The following LRRC43 variants were observed in gnomAD, a reference collection of about 807,000 sequenced individuals.
LRRC43 encodes the protein leucine rich repeat containing 43.
In LRRC43, 62 loss-of-function variants were observed where a neutral mutation model predicts 64.3. The ratio of observed to expected loss-of-function variants is 0.96; its 90% CI spans 0.79 to 1.19. The LOEUF (loss-of-function observed/expected upper bound fraction) is 1.19. Ranked by LOEUF, LRRC43 falls within the 50% of genes most tolerant of loss-of-function variation. LRRC43 has a pLI of 0.00. For synonymous variants in LRRC43, 422 were observed against 382.3 expected, an observed-to-expected ratio of 1.10 and a Z score of -1.21; for missense variants, 868 against 845.0, an observed-to-expected ratio of 1.03 and a Z score of -0.34.
At position 122,200,581 on chromosome 12, in the gene LRRC43, C is replaced by CCAAGAAAGGAAAGGGGGAGAAAGA; in HGVS notation, c.1551_1574dup (p.Gly519_Lys526dup). ...CCTGCTGTTGACAGTCCCCTGTCTG[C>CCAAGAAAGGAAAGGGGGAGAAAGA]CAAGAAAGGAAAGGGGGAGAAAGAC... On this transcript the variant is annotated inframe_insertion, in exon 9 of 12. Transcript: ENST00000339777. This position sits in a 1 kb window ranked among gnomAD's most constrained non-coding sequence, Gnocchi z 4.6. The CCAAGAAAGGAAAGGGGGAGAAAGA allele has an allele frequency of 1.3e-6, 2 of 1,530,332 alleles. No homozygotes were observed. The highest frequency in any genetic ancestry group is 1.8e-6 in the Non-Finnish European group (2 of 1,104,644). 94.8% of individuals were successfully genotyped at this position (1,530,332 alleles called of 1,614,324 possible).
intron 2 of LRRC43, among the ~76,000 whole-genome samples, chr12:122,185,394 A>G (rs1223702506): frequency 6.6e-6 from 1 of 152,106 alleles, no homozygotes; most frequent in Non-Finnish European, 1.5e-5. Flanking sequence ...GAATCACTTG[A>G]GGTGGGGAGG....
In LRRC43 at chr12:122,186,251, C is replaced by G; in HGVS notation, c.473C>G (p.Ala158Gly). The change falls in exon 3 of 12, where the codon GCC becomes GGC. Residue 158 changes from alanine (A) to glycine (G), a missense_variant. Physicochemically the swap from Ala to Gly is moderately conservative, Grantham distance 60. Coordinates refer to ENST00000339777, the MANE Select transcript of LRRC43 (RefSeq NM_001098519.2). ...FLKLEELVLS[A>G]NRIKEVDATN... The stretch of plus-strand genomic sequence containing the variant: ...AAGCTGGAGGAGTTGGTACTGAGCG[C>G]CAATCGAATCAAGGAGGTGGATGCC... 1 of 1,606,440 alleles carries G rather than the reference C, an allele frequency of 6.2e-7. No homozygotes were observed. Among genetic ancestry groups the G allele is most frequent in the Admixed American group, 1.7e-5 (1 of 59,032 alleles).
At chr12:122,180,496 G>A (rs1002565424), upstream of LRRC43, among the ~76,000 whole-genome samples, 2 of 152,138 alleles carry the variant, frequency 1.3e-5, no homozygotes, top group African/African-American at 4.8e-5. Flanking sequence ...TCCAGCCTGG[G>A]CAACAGAGCA....
Position 122,191,423 on chromosome 12 carries a change from C to T in LRRC43, c.945C>T (p.Asn315=). 6.2e-7 allele frequency: 1 copy of T among 1,613,928 alleles called. No homozygotes were observed. Among genetic ancestry groups the T allele is most frequent in the Non-Finnish European group, 8.5e-7 (1 of 1,179,948 alleles). ...QEAQFVVTIG[N]IRGVLDTSVL... Reference sequence around the variant, plus strand: ...CGCAGTTTGTGGTGACCATCGGAAACATCAGAGGAGTCCTGGACACCTCTG... The same window carrying T: ...CGCAGTTTGTGGTGACCATCGGAAATATCAGAGGAGTCCTGGACACCTCTG... The change falls in exon 6 of 12, where the codon AAC becomes AAT. Residue 315 remains asparagine, a synonymous_variant. Transcript: ENST00000339777.
rs550090264 is a variant in LRRC43, at chr12:122,176,693, C to T, written c.-405-7826C>T. Among the ~76,000 whole-genome samples the T allele has an allele frequency of 3.3e-5, 5 of 151,354 alleles. No homozygotes were observed. The East Asian group carries it at 9.7e-4, about 29-fold the overall frequency. On this transcript the variant is annotated intron_variant, in intron 1 of 5. Coordinates refer to the LRRC43 transcript ENST00000537729. ...TTCTTAAGACAGAGTCTCACTTTGT[C>T]GCACAGGCAGGAGTGAAGTGGCGCA...
intron 1 of LRRC43, chr12:122,173,949 G>A (rs768265104): frequency 6.2e-7 from 1 of 1,614,152 alleles, no homozygotes; most frequent in Non-Finnish European, 8.5e-7. Context: ...AGGCCAGCCA[G>A]CCTCCCAGGC....
rs1486121684 is a variant in LRRC43 at position 122,200,108 on chromosome 12, G to A, written c.1350-81G>A. On this transcript the variant is annotated intron_variant, in intron 7 of 11. Transcript: ENST00000339777. The surrounding 1 kb of genome is among the most constrained non-coding windows in gnomAD (Gnocchi z 4.6). ...TTCGATGCTCGTGGTCTCCTCGGATGTCCCCTCACAGTCCTGTCCCGGGTC... is the reference window on the plus strand; with the variant it reads ...TTCGATGCTCGTGGTCTCCTCGGATATCCCCTCACAGTCCTGTCCCGGGTC... The A allele has an allele frequency of 6.8e-6, 10 of 1,470,680 alleles. No homozygotes were observed. The highest frequency in any genetic ancestry group is 6.5e-6 in the Non-Finnish European group (7 of 1,077,618). The allele number at this position is 1,470,680 out of a possible 1,614,324, so 91.1% of individuals were successfully genotyped here.
At position 122,192,876 on chromosome 12, in the gene LRRC43, G is replaced by C. The variant is rs200517782; in HGVS notation, c.1221G>C (p.Glu407Asp). 2.0e-5 allele frequency: 33 copies of C among 1,614,198 alleles called. No individual in the cohort carries two copies. In the African/African-American group the frequency reaches 2.7e-4, roughly 13 times the overall value. ...EVEGSLESEV[E>D]ESGESELSVI... ...AAGGGTCTCTGGAGTCTGAGGTGGA[G>C]GAGTCAGGAGAGTCGGAGCTGTCTG... The change falls in exon 7 of 12, where the codon GAG becomes GAC. Residue 407 changes from glutamate (E) to aspartate (D), a missense_variant. Physicochemically the swap from Glu to Asp is conservative, Grantham distance 45. Coordinates refer to ENST00000339777, the MANE Select transcript of LRRC43 (RefSeq NM_001098519.2).
chr12:122,200,542 G>A lies in LRRC43; in HGVS notation c.1502G>A (p.Trp501Ter). Residue 501 changes from tryptophan to a stop codon, truncating the protein, a stop_gained, in exon 9 of 12, where the codon TGG (tryptophan) becomes TAG (stop). Coordinates refer to ENST00000339777, the MANE Select transcript of LRRC43 (RefSeq NM_001098519.2). LOFTEE classifies it high-confidence loss of function. This position sits in a 1 kb window ranked among gnomAD's most constrained non-coding sequence, Gnocchi z 4.6. ...VTIVEEKILS[W>*]PVVLPAVDSP... ...CTCTCCTGCCCCTAGATTCTCTCCT[G>A]GCCTGTGGTGCTACCTGCTGTTGAC... 1 of 1,614,032 alleles carries A rather than the reference G, an allele frequency of 6.2e-7. No homozygotes were observed. The highest frequency in any genetic ancestry group is 8.5e-7 in the Non-Finnish European group (1 of 1,179,984).
At chr12:122,194,776 G>A (rs942918118) in intron 7 of LRRC43, among the ~76,000 whole-genome samples, 1 of 151,900 alleles carries the variant, frequency 6.6e-6, no homozygotes. Context: ...TGGGCTTGGT[G>A]TCATTTTCTT....
intron 4 of LRRC43, among the ~76,000 whole-genome samples, chr12:122,188,906 A>G (rs761128936): frequency 6.6e-6 from 1 of 152,180 alleles, no homozygotes; most frequent in Non-Finnish European, 1.5e-5. Context: ...TGACAAACAA[A>G]AATGTCTCCA....
Position 122,191,237 on chromosome 12 carries a change from T to A in LRRC43, c.902-143T>A, listed in dbSNP as rs1953714169. 4.6e-6 allele frequency: 3 copies of A among 653,682 alleles called. No homozygotes were observed. The East Asian group carries it at 8.3e-5, about 18-fold the overall frequency. The allele number at this position is 653,682 out of a possible 1,614,324, so 40.5% of individuals were successfully genotyped here. ...ACTCCAGGCCAGCTTGCCAGAGCTG[T>A]GACATGAACCTGACCGCCCCACCAA... On this transcript the variant is annotated intron_variant, in intron 5 of 11. Transcript: ENST00000339777.
chr12:122,190,104 C>T (rs112371618), intron 4 of LRRC43, 26 bp from the exon 5 acceptor site: 887 of 1,597,820 alleles, frequency 5.6e-4, no homozygotes, highest in Middle Eastern at 6.6e-4. Context: ...CTTCTTGACC[C>T]CCAGACGGTC....
chr12:122,171,573 G>T (rs547887947), intron 1 of LRRC43, among the ~76,000 whole-genome samples: 1 of 152,020 alleles, frequency 6.6e-6, no homozygotes, highest in Non-Finnish European at 1.5e-5. Flanking sequence ...TGTTGCCCAG[G>T]CTGGTCCGAA....
intron 2 of LRRC43, 100 bp from the exon 3 acceptor site, chr12:122,186,090 A>C: frequency 2.9e-6 from 2 of 692,050 alleles, no homozygotes; most frequent in Non-Finnish European, 5.2e-6. Flanking sequence ...AGGGGAAGTA[A>C]CTCTGATGGA....
chr12:122,194,081 A>G (rs1416729840), intron 7 of LRRC43, among the ~76,000 whole-genome samples: 1 of 152,164 alleles, frequency 6.6e-6, no homozygotes, highest in African/African-American at 2.4e-5. Flanking sequence ...TGAAGATTGT[A>G]GAGTAATTGT....
rs934178167 is a variant in LRRC43 at position 122,183,153 on chromosome 12, G to A, written c.9G>A (p.Ala3=). ME[A]SYESESESES... ...GCAACGCGGCCCGGGCCATGGAGGC[G>A]TCGTACGAGTCCGAGTCCGAGTCCG... The change falls in exon 1 of 12, where the codon GCG becomes GCA. Residue 3 remains alanine (A), a synonymous_variant. Coordinates refer to ENST00000339777, the MANE Select transcript of LRRC43 (RefSeq NM_001098519.2). 1 of 1,545,570 alleles carries A rather than the reference G, an allele frequency of 6.5e-7. No individual in the cohort carries two copies. Among genetic ancestry groups the A allele is most frequent in the Non-Finnish European group, 8.7e-7 (1 of 1,152,300 alleles).
intron 7 of LRRC43, among the ~76,000 whole-genome samples, chr12:122,193,546 A>C (rs1953745141): frequency 6.6e-6 from 1 of 152,100 alleles, no homozygotes; most frequent in Admixed American, 6.6e-5. Context: ...TTCCCTGACC[A>C]GCCAAGATTT....
intron 4 of LRRC43, among the ~76,000 whole-genome samples, chr12:122,188,480 T>A (rs2136039345): frequency 6.6e-6 from 1 of 151,890 alleles, no homozygotes; most frequent in South Asian, 2.1e-4. Flanking sequence ...TTCACTCTGT[T>A]GCCCAGGCTA....
Sources: allele counts gnomAD v4.1 joint callset (sites outside exome capture counted in the v4.1 genomes callset), GRCh38; gene constraint gnomAD v4.1.1; non-coding constraint Gnocchi (gnomAD v3.1); transcripts MANE v1.5; gene names NCBI Gene and HGNC (gene_info 2026-07-23, HGNC 2026-07-21).